The following ATM variants were observed in gnomAD, a reference collection of about 807,000 sequenced individuals.
ATM encodes ATM serine/threonine kinase.
A neutral mutation model predicts 387.0 loss-of-function variants in ATM; 308 were observed. The observed-to-expected ratio is 0.80, with a 90% CI of 0.73 to 0.87. The LOEUF is 0.87. ATM is among the 40% of genes least tolerant of loss of function. The pLI is 0.00. For missense variants in ATM, 3,312 were observed against 3,560.9 expected (o/e 0.93, Z 1.78); for synonymous variants, 1,156 against 1,187.3 (o/e 0.97, Z 0.54).
intron 4 of ATM, among the ~76,000 whole-genome samples, chr11:108,234,714 A>G (rs1340968063): frequency 1.3e-5 from 2 of 152,028 alleles, no homozygotes; most frequent in African/African-American, 4.8e-5. Flanking sequence ...GTGGCACAAC[A>G]TCTATAGTCC....
chr11:108,340,810 C>G (rs896230807), intron 56 of ATM, among the ~76,000 whole-genome samples: 1 of 152,148 alleles, frequency 6.6e-6, no homozygotes, highest in African/African-American at 2.4e-5. Flanking sequence ...ACCTATGAAC[C>G]TCCTCCCATG....
chr11:108,352,770 A>T (rs1424097146), intron 59 of ATM, among the ~76,000 whole-genome samples: 2 of 152,254 alleles, frequency 1.3e-5, no homozygotes, highest in African/African-American at 4.8e-5. Flanking sequence ...AATTTGGATG[A>T]ATCTCCAGAG....
chr11:108,328,917 T>C, intron 48 of ATM, 104 bp from the exon 49 acceptor site: 4 of 1,214,606 alleles, frequency 3.3e-6, no homozygotes, highest in Non-Finnish European at 4.7e-6. Context: ...CTAGCTTTTA[T>C]ATGTATATAA....
At chr11:108,292,198 G>C (rs972173945) in intron 29 of ATM, among the ~76,000 whole-genome samples, 2 of 152,220 alleles carry the variant, frequency 1.3e-5, no homozygotes, top group African/African-American at 2.4e-5. Flanking sequence ...CCATGAGCCA[G>C]TGTCTCACAC....
intron 61 of ATM, among the ~76,000 whole-genome samples, chr11:108,363,580 G>T (rs2091035285): frequency 6.6e-6 from 1 of 152,122 alleles, no homozygotes; most frequent in Admixed American, 6.5e-5. Context: ...CTACTGGGTA[G>T]AGGCCAGGGA....
chr11:108,354,268 C>T (rs1259872794), intron 60 of ATM, among the ~76,000 whole-genome samples: 2 of 152,178 alleles, frequency 1.3e-5, no homozygotes, highest in Non-Finnish European at 2.9e-5. Context: ...TTATTCCAAA[C>T]CTCCTCTGGA....
chr11:108,323,598 A>G (rs753054622), intron 45 of ATM, among the ~76,000 whole-genome samples: 58 of 152,236 alleles, frequency 3.8e-4, no homozygotes, highest in Middle Eastern at 3.2e-3. Flanking sequence ...GATCATGGAT[A>G]TCTCAATTAC....
intron 61 of ATM, among the ~76,000 whole-genome samples, chr11:108,364,268 A>G (rs2091101771): frequency 6.6e-6 from 1 of 152,182 alleles, no homozygotes; most frequent in Non-Finnish European, 1.5e-5. Context: ...ATCATTCTTT[A>G]TATTGTCTCC....
chr11:108,316,496 A>G (rs1380651999), intron 42 of ATM, among the ~76,000 whole-genome samples: 3 of 152,164 alleles, frequency 2.0e-5, no homozygotes, highest in African/African-American at 4.8e-5. Flanking sequence ...AGTTGGTCCC[A>G]GAACCTGTTG....
At chr11:108,351,059 T>A (rs1051220092) in intron 59 of ATM, among the ~76,000 whole-genome samples, 1 of 152,234 alleles carries the variant, frequency 6.6e-6, no homozygotes, top group Non-Finnish European at 1.5e-5. Flanking sequence ...ATATTTATAT[T>A]CTCTTTGTAT....
At chr11:108,321,157 T>G in intron 44 of ATM, 144 bp from the exon 45 acceptor site, 14 of 1,077,248 alleles carry the variant, frequency 1.3e-5, no homozygotes, top group Non-Finnish European at 1.9e-5. Flanking sequence ...TTTCCACTGC[T>G]ATTTTGTATT....
At chr11:108,358,351 A>G (rs909003872) in intron 61 of ATM, among the ~76,000 whole-genome samples, 2 of 144,766 alleles carry the variant, frequency 1.4e-5, no homozygotes, top group African/African-American at 5.1e-5. Context: ...GGAGAATGGA[A>G]CCAAGTTGGA....
At position 108,367,757 on chromosome 11, in the gene ATM, T is replaced by C. The variant is rs916775995; in HGVS notation, c.*2249T>C. The C allele has an allele frequency of 4.6e-6, 1 of 216,766 alleles. No homozygotes were observed. Among genetic ancestry groups the C allele is most frequent in the Non-Finnish European group, 9.3e-6 (1 of 107,600 alleles). The allele number at this position is 216,766 out of a possible 1,614,324, so 13.4% of individuals were successfully genotyped here. A position where few individuals can be genotyped will look rare whatever the true frequency, so the allele number is the denominator to read the frequency against. ...CCAATCTCCAGAACTTTTTGGACTA[T>C]AAATTTCTTGGTTTGACTTCTGGAG... is the stretch of plus-strand genomic sequence containing the variant. On this transcript the variant is annotated 3_prime_UTR_variant, in exon 63 of 63. Transcript: ENST00000675843.
At position 108,343,237 on chromosome 11, in the gene ATM, C is replaced by T. The variant is rs751574257; in HGVS notation, c.8284C>T (p.Gln2762Ter). Residue 2762 changes from glutamine to a stop codon, truncating the protein, a stop_gained, in exon 57 of 63, where the codon CAG (glutamine) becomes TAG (stop). Coordinates refer to ENST00000675843, the MANE Select transcript of ATM (RefSeq NM_000051.4). LOFTEE classifies it high-confidence loss of function. ...ICTYKVVPLS[Q>*]RSGVLEWCTG... ...GTAACTCCAGGTGGTTCCCCTCTCTCAGCGAAGTGGTGTTCTTGAATGGTG... is the reference window on the plus strand; with the variant it reads ...GTAACTCCAGGTGGTTCCCCTCTCTTAGCGAAGTGGTGTTCTTGAATGGTG... The T allele has an allele frequency of 6.2e-7, 1 of 1,613,972 alleles. No individual in the cohort carries two copies. The highest frequency in any genetic ancestry group is 2.2e-5 in the East Asian group (1 of 44,872).
intron 61 of ATM, among the ~76,000 whole-genome samples, chr11:108,360,119 C>A (rs1178295231): frequency 6.6e-6 from 1 of 150,926 alleles, no homozygotes; most frequent in Non-Finnish European, 1.5e-5. Flanking sequence ...GGGATATCAC[C>A]ACCGATCCCA....
At chr11:108,359,472 C>T (rs866275271) in intron 61 of ATM, among the ~76,000 whole-genome samples, 2 of 152,034 alleles carry the variant, frequency 1.3e-5, no homozygotes, top group East Asian at 1.9e-4. Context: ...GAACTCTCCA[C>T]CCCAAATCAA....
chr11:108,332,357 G>T (rs1272181108), intron 52 of ATM, among the ~76,000 whole-genome samples: 1 of 152,086 alleles, frequency 6.6e-6, no homozygotes, highest in Non-Finnish European at 1.5e-5. Flanking sequence ...ACTTGAACTC[G>T]GGAGGCGGAG....
In ATM at chr11:108,332,433, A is replaced by AAATTAATT. The variant is rs4988124; in HGVS notation, c.7789-310_7789-303dup. 5.5e-3 allele frequency among the ~76,000 whole-genome samples: 836 copies of AAATTAATT among 151,738 alleles called. 6 individuals are homozygous for AAATTAATT. The highest frequency in any genetic ancestry group is 0.043 in the South Asian group (209 of 4,806). On this transcript the variant is annotated intron_variant, in intron 52 of 62. Transcript: ENST00000675843. Reference sequence around the variant, plus strand: ...GGCAACAAGAGCGAAACTCTGTCTCAAATTAATTAATTAATTAATTAATTA... The same window carrying AAATTAATT: ...GGCAACAAGAGCGAAACTCTGTCTCAAATTAATTAATTAATTAATTAATTAATTAATTA...
chr11:108,345,455 G>C (rs930468731), intron 57 of ATM, among the ~76,000 whole-genome samples: 2 of 152,148 alleles, frequency 1.3e-5, no homozygotes, highest in Non-Finnish European at 2.9e-5. Context: ...AGGCATTTCT[G>C]TGTTTATTTC....
Sources: allele counts gnomAD v4.1 joint callset (sites outside exome capture counted in the v4.1 genomes callset), GRCh38; gene constraint gnomAD v4.1.1; transcripts MANE v1.5; gene names NCBI Gene and HGNC (gene_info 2026-07-23, HGNC 2026-07-21).